Variants in CACNB2 observed in about 807,000 individuals in gnomAD.
The protein encoded by CACNB2 is voltage-dependent L-type calcium channel subunit beta-2.
Under a neutral mutation model 73.3 loss-of-function variants are expected in CACNB2, and 42 were observed. The ratio of observed to expected loss-of-function variants is 0.57; its 90% CI spans 0.45 to 0.74. The LOEUF (loss-of-function observed/expected upper bound fraction) is 0.74, where lower values mean the gene tolerates loss of function less well. Ranked by LOEUF, CACNB2 falls within the 30% of genes least tolerant of loss-of-function variation. CACNB2 has a pLI of 0.00. For synonymous variants in CACNB2, 348 were observed against 310.3 expected (o/e 1.12, Z -1.28); for missense variants, 940 against 853.0 (o/e 1.10, Z -1.27).
At chr10:18,408,707 A>G (rs754696915) in intron 3 of CACNB2, among the ~76,000 whole-genome samples, 5 of 152,226 alleles carry the variant, frequency 3.3e-5, no homozygotes, top group Non-Finnish European at 7.3e-5. Context: ...GTTTGAAAAC[A>G]TTCTTTCTCT....
chr10:18,422,979 T>C (rs1215515576), intron 3 of CACNB2, among the ~76,000 whole-genome samples: 1 of 152,236 alleles, frequency 6.6e-6, no homozygotes. Context: ...ATTACAGGCG[T>C]GAGCCACTGC....
chr10:18,523,662 C>A (rs10508563), intron 9 of CACNB2, among the ~76,000 whole-genome samples: 29,426 of 152,012 alleles, frequency 0.19, 3,140 homozygotes, highest in South Asian at 0.3. Flanking sequence ...AACATTTTTA[C>A]CCATGGCAAG....
chr10:18,403,756 G>A (rs545904751), intron 3 of CACNB2, among the ~76,000 whole-genome samples: 1 of 151,736 alleles, frequency 6.6e-6, no homozygotes, highest in African/African-American at 2.4e-5. Flanking sequence ...TGATGTAGAG[G>A]ATAAAAGAAA....
At chr10:18,461,322 A>G (rs571976940) in intron 3 of CACNB2, among the ~76,000 whole-genome samples, 22 of 152,224 alleles carry the variant, frequency 1.4e-4, no homozygotes, top group Middle Eastern at 3.4e-3. Context: ...TTTGAACTTT[A>G]TCCAGAGTGA....
intron 5 of CACNB2, among the ~76,000 whole-genome samples, 181 bp downstream of exon 5, chr10:18,501,129 A>G (rs1162195202): frequency 6.6e-6 from 1 of 152,212 alleles, no homozygotes; most frequent in Non-Finnish European, 1.5e-5. Context: ...CCAGCACCTG[A>G]TTTTCACCCT....
At chr10:18,195,250 CAGG>C (rs2034572983) in intron 2 of CACNB2, among the ~76,000 whole-genome samples, 1 of 152,158 alleles carries the variant, frequency 6.6e-6, no homozygotes, top group Non-Finnish European at 1.5e-5. Flanking sequence ...TTACATGCCA[CAGG>C]AGAAGTTCCA....
chr10:18,479,474 C>T (rs557382924), intron 3 of CACNB2, among the ~76,000 whole-genome samples: 43 of 152,178 alleles, frequency 2.8e-4, no homozygotes, highest in Admixed American at 5.9e-4. Context: ...TTTCTCTTTA[C>T]AAATGTTGAC....
At chr10:18,374,208 A>G (rs531300746) in intron 2 of CACNB2, among the ~76,000 whole-genome samples, 2 of 152,358 alleles carry the variant, frequency 1.3e-5, no homozygotes, top group Non-Finnish European at 2.9e-5. Flanking sequence ...AGATTTGAAC[A>G]TGAGGTGTTG....
chr10:18,204,082 A>G (rs1468086785), intron 2 of CACNB2, among the ~76,000 whole-genome samples: 2 of 152,246 alleles, frequency 1.3e-5, no homozygotes, highest in African/African-American at 4.8e-5. Flanking sequence ...TAATTTTAAC[A>G]TTATGTTTAA....
At position 18,401,968 on chromosome 10, in the gene CACNB2, ATC is replaced by A; in HGVS notation, c.262_263del (p.Leu88GlyfsTer42). On this transcript the variant is annotated frameshift_variant, in exon 3 of 14. Coordinates refer to ENST00000324631, the MANE Select transcript of CACNB2 (RefSeq NM_201596.3). LOFTEE classifies it high-confidence loss of function. ...YTSRPSDSDV[S>X]LEEDREAVRR... ...CTAGCCGTCCATCCGATTCCGATGT[ATC>A]TCTGGAGGAGGACCGGGAGGCAGTG... 6.2e-7 allele frequency: 1 copy of A among 1,614,040 alleles called. No individual in the cohort carries two copies. Among genetic ancestry groups the A allele is most frequent in the Middle Eastern group, 1.6e-4 (1 of 6,062 alleles).
Position 18,534,128 on chromosome 10 carries a change from G to C in CACNB2, c.1107G>C (p.Gln369His). The change falls in exon 11 of 14, where the codon CAG becomes CAC. Residue 369 changes from glutamine (Q) to histidine (H), a missense_variant. Gln to His is a conservative substitution (Grantham distance 24). Transcript: ENST00000324631. ...TTTTTGAACTTGCAAGAACATTGCA[G>C]TTGGTGGTCCTTGACGCGGATACAA... Reference protein sequence around the residue: ...ERIFELARTLQLVVLDADTIN... With the variant: ...ERIFELARTLHLVVLDADTIN... 1 of 1,613,928 alleles carries C rather than the reference G, an allele frequency of 6.2e-7. No homozygotes were observed. Among genetic ancestry groups the C allele is most frequent in the Non-Finnish European group, 8.5e-7 (1 of 1,179,806 alleles).
chr10:18,401,875 C>T lies in CACNB2; in HGVS notation c.214-49C>T, dbSNP rs1263902924. 3.7e-6 allele frequency: 6 copies of T among 1,604,290 alleles called. No individual in the cohort carries two copies. The South Asian group carries it at 6.6e-5, about 18-fold the overall frequency. ...CTGTGTCGATGAGACTTTTCCAATG[C>T]AAACATCATAGACTGAATCTACTTT... On this transcript the variant is annotated intron_variant, in intron 2 of 13. Coordinates refer to ENST00000324631, the MANE Select transcript of CACNB2 (RefSeq NM_201596.3).
intron 3 of CACNB2, among the ~76,000 whole-genome samples, chr10:18,494,631 C>CAAA (rs909672661): frequency 1.2e-3 from 76 of 61,788 alleles, no homozygotes; most frequent in African/African-American, 4.0e-3. Context: ...GACTCCGTCT[C>CAAA]AAAAAAAAAA....
chr10:18,246,004 G>T (rs1365546725), intron 2 of CACNB2, among the ~76,000 whole-genome samples: 1 of 152,168 alleles, frequency 6.6e-6, no homozygotes, highest in Non-Finnish European at 1.5e-5. Context: ...AAAGGATTCT[G>T]TTGGCTCTTC....
intron 3 of CACNB2, among the ~76,000 whole-genome samples, chr10:18,476,080 A>G (rs1440802408): frequency 6.6e-6 from 1 of 152,208 alleles, no homozygotes; most frequent in Non-Finnish European, 1.5e-5. Flanking sequence ...ATTATATACT[A>G]AACAAGCAGT....
Position 18,442,971 on chromosome 10 carries a change from T to TAC in CACNB2, c.333+40928_333+40929insAC, listed in dbSNP as rs1338766083. 5.9e-4 allele frequency among the ~76,000 whole-genome samples: 11 copies of TAC among 18,584 alleles called. 1 individual carries two copies. The highest frequency in any genetic ancestry group is 5.1e-3 in the African/African-American group (6 of 1,182). The allele number at this position is 18,584 out of a possible 152,430, so 12.2% of individuals were successfully genotyped here. A position where few individuals can be genotyped will look rare whatever the true frequency, so the allele number is the denominator to read the frequency against. On this transcript the variant is annotated intron_variant, in intron 3 of 13. Coordinates refer to ENST00000324631, the MANE Select transcript of CACNB2 (RefSeq NM_201596.3). ...ATATATATATATGTATATATATATG[T>TAC]GTATATATATATATGTATATATATA...
intron 1 of CACNB2, 92 bp from the exon 2 acceptor site, chr10:18,150,784 TTTTGGTC>T (rs892195479): frequency 1.4e-6 from 1 of 719,260 alleles, no homozygotes; most frequent in Non-Finnish European, 2.3e-6. Context: ...TATTACTTGT[TTTTGGTC>T]TTTGACATTT....
At chr10:18,325,561 T>C (rs930545674) in intron 2 of CACNB2, among the ~76,000 whole-genome samples, 4 of 151,914 alleles carry the variant, frequency 2.6e-5, no homozygotes, top group Non-Finnish European at 4.4e-5. Flanking sequence ...TTTTCTTTTC[T>C]TTCTTTCCTT....
intron 2 of CACNB2, among the ~76,000 whole-genome samples, chr10:18,315,175 A>G (rs531353521): frequency 6.6e-6 from 1 of 151,984 alleles, no homozygotes. Flanking sequence ...CTACTTTAAA[A>G]ATACAAAAAT....
Sources: allele counts gnomAD v4.1 joint callset (sites outside exome capture counted in the v4.1 genomes callset), GRCh38; gene constraint gnomAD v4.1.1; transcripts MANE v1.5; gene names NCBI Gene and HGNC (gene_info 2026-07-23, HGNC 2026-07-21).